Variants in RYK observed in about 807,000 individuals in gnomAD.
The protein encoded by RYK is inactive tyrosine-protein kinase RYK.
RYK carries 21 observed loss-of-function variants against 70.2 expected under a neutral mutation model. That is an observed-to-expected ratio of 0.30 (90% CI 0.21 to 0.43). The LOEUF is 0.43. Among genes scored for constraint, RYK ranks in the 20% least tolerant of loss-of-function variants. The probability of loss-of-function intolerance (pLI) is 1.00; values close to 1 mark genes in which losing one functional copy is unlikely to be tolerated. For synonymous variants in RYK, 267 were observed against 278.0 expected (o/e 0.96, Z 0.39); for missense variants, 604 against 753.3 (o/e 0.80, Z 2.32).
At chr3:134,225,250 G>C (rs1360700616) in intron 1 of RYK, among the ~76,000 whole-genome samples, 3 of 152,002 alleles carry the variant, frequency 2.0e-5, no homozygotes, top group East Asian at 3.9e-4. Context: ...CTTACGTCTG[G>C]GTCTTAGTCT....
chr3:134,189,436 G>A (rs1030028517), intron 8 of RYK, among the ~76,000 whole-genome samples: 2 of 152,014 alleles, frequency 1.3e-5, no homozygotes, highest in South Asian at 2.1e-4. Context: ...TTAGACTCTC[G>A]GTTCACTGGT....
chr3:134,183,766 C>CA (rs1044753465), intron 9 of RYK, among the ~76,000 whole-genome samples: 2 of 151,970 alleles, frequency 1.3e-5, no homozygotes, highest in Non-Finnish European at 2.9e-5. Flanking sequence ...TGTTCAATGG[C>CA]AAAAAAACTC....
At chr3:134,240,605 A>G (rs1177637399) in intron 1 of RYK, among the ~76,000 whole-genome samples, 1 of 152,202 alleles carries the variant, frequency 6.6e-6, no homozygotes, top group Non-Finnish European at 1.5e-5. Context: ...AATTTTCAAA[A>G]AAATTCATGT....
Position 134,175,696 on chromosome 3 carries a change from G to A in RYK, c.1488C>T (p.His496=). The change falls in exon 13 of 15, where the codon CAC becomes CAT. Residue 496 remains histidine, a synonymous_variant. Coordinates refer to ENST00000623711, the MANE Select transcript of RYK (RefSeq NM_002958.4). The part of the protein sequence containing the change: ...LSRDLFPMDY[H]CLGDNENRPV... The stretch of plus-strand genomic sequence containing the variant: ...GCCTGTTTTCATTGTCCCCCAGACA[G>A]TGATAGTCCATGGGGAACAAGTCTC... 2.5e-6 allele frequency: 4 copies of A among 1,613,638 alleles called. No homozygotes were observed. Among genetic ancestry groups the A allele is most frequent in the East Asian group, 2.2e-5 (1 of 44,890 alleles).
intron 2 of RYK, among the ~76,000 whole-genome samples, chr3:134,214,138 T>C (rs1320445707): frequency 1.3e-5 from 2 of 152,160 alleles, no homozygotes; most frequent in African/African-American, 4.8e-5. Flanking sequence ...TAATGGCTAC[T>C]TCTCATGCCA....
chr3:134,226,260 A>G (rs1213858356), intron 1 of RYK, among the ~76,000 whole-genome samples: 1 of 152,162 alleles, frequency 6.6e-6, no homozygotes, highest in Non-Finnish European at 1.5e-5. Context: ...ATTATTATAA[A>G]CAACTTTGAC....
intron 1 of RYK, among the ~76,000 whole-genome samples, chr3:134,234,449 A>G (rs2015149812): frequency 6.6e-6 from 1 of 152,166 alleles, no homozygotes; most frequent in Non-Finnish European, 1.5e-5. Context: ...AGAGAAGACC[A>G]AAACTTGGAA....
At chr3:134,170,264 C>T (rs925686144) in intron 13 of RYK, among the ~76,000 whole-genome samples, 14 of 152,268 alleles carry the variant, frequency 9.2e-5, no homozygotes, top group Admixed American at 2.6e-4. Flanking sequence ...AAATGCAAAT[C>T]GGAGGATATT....
At chr3:134,222,728 G>C (rs964445422) in intron 1 of RYK, among the ~76,000 whole-genome samples, 189 bp from the exon 2 acceptor site, 5 of 152,096 alleles carry the variant, frequency 3.3e-5, no homozygotes, top group Non-Finnish European at 7.4e-5. Context: ...GAAAGATGAA[G>C]AAATTGAGAC....
chr3:134,210,572 A>G (rs1173683603), intron 3 of RYK, among the ~76,000 whole-genome samples: 1 of 152,246 alleles, frequency 6.6e-6, no homozygotes, highest in Non-Finnish European at 1.5e-5. Flanking sequence ...ATAACAGTGA[A>G]TATGACTGCC....
At chr3:134,216,696 G>A (rs1230898583) in intron 2 of RYK, among the ~76,000 whole-genome samples, 1 of 148,910 alleles carries the variant, frequency 6.7e-6, no homozygotes, top group Non-Finnish European at 1.5e-5. Context: ...AGGAGGCTGA[G>A]GCAGGAGAAT....
chr3:134,181,239 T>C (rs561059924), intron 10 of RYK: 1 of 152,332 alleles, frequency 6.6e-6, no homozygotes, highest in African/African-American at 2.4e-5. Flanking sequence ...CTAGAGTCAG[T>C]GTAATAGACC....
chr3:134,158,899 CCTTTATAACTA>C (rs1259186076), intron 14 of RYK, among the ~76,000 whole-genome samples: 1 of 152,106 alleles, frequency 6.6e-6, no homozygotes, highest in Non-Finnish European at 1.5e-5. Flanking sequence ...ACTACTATGT[CCTTTATAACTA>C]CTTTATAACT....
chr3:134,232,611 T>G (rs950531516), intron 1 of RYK, among the ~76,000 whole-genome samples: 1 of 152,244 alleles, frequency 6.6e-6, no homozygotes, highest in Non-Finnish European at 1.5e-5. Context: ...TTTCTGACTA[T>G]AGGTTTTGAA....
chr3:134,203,511 G>A (rs918451607), intron 5 of RYK, among the ~76,000 whole-genome samples: 4 of 152,138 alleles, frequency 2.6e-5, no homozygotes, highest in African/African-American at 9.7e-5. Flanking sequence ...AAAAGGGTTG[G>A]TGGTTTCTGA....
rs2015600465 is a variant in RYK at position 134,250,764 on chromosome 3, T to C, written c.-110A>G. 1 of 393,920 alleles carries C rather than the reference T, an allele frequency of 2.5e-6. No homozygotes were observed. Among genetic ancestry groups the C allele is most frequent in the African/African-American group, 2.2e-5 (1 of 45,272 alleles). 24.4% of individuals were successfully genotyped at this position (393,920 alleles called of 1,614,324 possible). ...GAGCCGGGGGCGGCTGCCCAGCTCA[T>C]CGCACCGCCGGCCCGTGGCAGCCAG... On this transcript the variant is annotated 5_prime_UTR_variant, in exon 1 of 15. An upstream start codon of the reference 5' UTR is lost. Coordinates refer to ENST00000623711, the MANE Select transcript of RYK (RefSeq NM_002958.4).
chr3:134,244,211 C>G (rs2015394551), intron 1 of RYK, among the ~76,000 whole-genome samples: 1 of 152,152 alleles, frequency 6.6e-6, no homozygotes, highest in Admixed American at 6.5e-5. Flanking sequence ...CCCCACCCAC[C>G]CACCAGCATG....
intron 1 of RYK, among the ~76,000 whole-genome samples, chr3:134,237,575 T>C (rs995308355): frequency 1.3e-5 from 2 of 152,200 alleles, no homozygotes; most frequent in African/African-American, 2.4e-5. Context: ...AGTGATGTCA[T>C]AGAAAGAGAA....
At chr3:134,163,712 A>C in intron 13 of RYK, among the ~76,000 whole-genome samples, 1 of 152,204 alleles carries the variant, frequency 6.6e-6, no homozygotes, top group Non-Finnish European at 1.5e-5. Context: ...GTAAACTATA[A>C]ACTGAAAGGA....
Sources: allele counts gnomAD v4.1 joint callset (sites outside exome capture counted in the v4.1 genomes callset), GRCh38; gene constraint gnomAD v4.1.1; transcripts MANE v1.5; gene names NCBI Gene and HGNC (gene_info 2026-07-23, HGNC 2026-07-21).